The following TNKS variants were observed in gnomAD, a reference collection of about 807,000 sequenced individuals.
TNKS encodes the protein tankyrase, also known as poly [ADP-ribose] polymerase tankyrase-1.
Under a neutral mutation model 135.8 loss-of-function variants are expected in TNKS, and 72 were observed. The observed-to-expected ratio is 0.53, with a 90% CI of 0.44 to 0.64. TNKS has a LOEUF of 0.64. Among genes scored for constraint, TNKS ranks in the 30% least tolerant of loss-of-function variants. TNKS has a pLI of 0.00. For synonymous variants in TNKS, 849 were observed against 649.3 expected, an observed-to-expected ratio of 1.31 and a Z score of -4.68; for missense variants, 1,769 against 1,674.0, an observed-to-expected ratio of 1.06 and a Z score of -0.99.
intron 1 of TNKS, among the ~76,000 whole-genome samples, chr8:9,574,141 A>G (rs892133998): frequency 6.6e-6 from 1 of 152,254 alleles, no homozygotes; most frequent in African/African-American, 2.4e-5. Context: ...CACATAGTAT[A>G]TTTTTAAATT....
chr8:9,595,306 A>T (rs1254932222), intron 2 of TNKS, among the ~76,000 whole-genome samples: 1 of 151,986 alleles, frequency 6.6e-6, no homozygotes, highest in Non-Finnish European at 1.5e-5. Context: ...TCAGTGTAGC[A>T]TTTTCATAAA....
Position 9,556,462 on chromosome 8 carries a change from G to C in TNKS, c.523G>C (p.Gly175Arg). ...GCCTGGGGCAGCAGGACCTGGGACA[G>C]GGGTCCCAGCAGTGAGCGGGGCCCT... ...LGPGAAGPGT[G>R]VPAVSGALRE... Residue 175 changes from glycine (G) to arginine (R), a missense_variant, in exon 1 of 27, where the codon GGG becomes CGG. Physicochemically the swap from Gly to Arg is moderately radical, Grantham distance 125. Around this residue, in one of 5 missense-constraint regions of TNKS, gnomAD observed 450 missense variants for 304.9 expected, o/e 1.48. Transcript: ENST00000310430. 2 of 1,614,152 alleles carry C rather than the reference G, an allele frequency of 1.2e-6. No homozygotes were observed. Among genetic ancestry groups the C allele is most frequent in the South Asian group, 1.1e-5 (1 of 91,086 alleles).
chr8:9,622,415 G>A (rs912620916), intron 3 of TNKS, among the ~76,000 whole-genome samples: 37 of 152,128 alleles, frequency 2.4e-4, no homozygotes, highest in African/African-American at 8.7e-4. Flanking sequence ...TTTCAAGGGC[G>A]CTGAATCCTC....
intron 5 of TNKS, among the ~76,000 whole-genome samples, chr8:9,699,827 C>G (rs973626678): frequency 1.4e-4 from 22 of 152,182 alleles, no homozygotes; most frequent in Admixed American, 1.4e-3. Context: ...CTTTCCAAGA[C>G]TCTAATCTTA....
At chr8:9,767,958 CAA>C (rs1030767438) in intron 25 of TNKS, among the ~76,000 whole-genome samples, 16 of 68,048 alleles carry the variant, frequency 2.4e-4, no homozygotes, top group African/African-American at 3.2e-4. Context: ...GACTCCGTCT[CAA>C]AAAAAAAAAA....
Position 9,765,730 on chromosome 8 carries a change from C to G in TNKS, c.3486C>G (p.Phe1162Leu). ...TCAACAAGAAGTTGAGGGAGCGGTTCTGCCACCGACAGAAGGAAGTGTCTG... is the reference window on the plus strand; with the variant it reads ...TCAACAAGAAGTTGAGGGAGCGGTTGTGCCACCGACAGAAGGAAGTGTCTG... Reference protein sequence around the residue: ...KVVNKKLRERFCHRQKEVSEE... With the variant: ...KVVNKKLRERLCHRQKEVSEE... Residue 1162 changes from phenylalanine (F) to leucine (L), a missense_variant, in exon 24 of 27, where the codon TTC (phenylalanine) becomes TTG (leucine). Transcript: ENST00000310430. 1 of 1,613,972 alleles carries G rather than the reference C, an allele frequency of 6.2e-7. No individual in the cohort carries two copies. The highest frequency in any genetic ancestry group is 8.5e-7 in the Non-Finnish European group (1 of 1,179,944).
chr8:9,704,783 C>A, intron 6 of TNKS, 26 bp downstream of exon 6: 3 of 1,582,532 alleles, frequency 1.9e-6, no homozygotes, highest in African/African-American at 2.7e-5. Context: ...TACTTCCTGT[C>A]AGTGCTTTGT....
intron 11 of TNKS, among the ~76,000 whole-genome samples, chr8:9,719,404 A>G (rs1178934274): frequency 6.6e-6 from 1 of 152,198 alleles, no homozygotes; most frequent in Non-Finnish European, 1.5e-5. Context: ...AGGACCCAGA[A>G]AGTCTGTGTG....
At chr8:9,745,890 C>T (rs954416279) in intron 17 of TNKS, among the ~76,000 whole-genome samples, 3 of 152,122 alleles carry the variant, frequency 2.0e-5, no homozygotes, top group Non-Finnish European at 4.4e-5. Context: ...AATACTACCT[C>T]AGAAAAAGTG....
chr8:9,594,578 C>G (rs4610751), intron 2 of TNKS, among the ~76,000 whole-genome samples: 1 of 151,918 alleles, frequency 6.6e-6, no homozygotes, highest in Non-Finnish European at 1.5e-5. Context: ...AAAATGAGAT[C>G]ATTCCACCAT....
At chr8:9,649,623 C>T (rs962222362) in intron 3 of TNKS, among the ~76,000 whole-genome samples, 1 of 151,166 alleles carries the variant, frequency 6.6e-6, no homozygotes, top group Non-Finnish European at 1.5e-5. Context: ...CCCTCATCCC[C>T]CTCTCACCCT....
At chr8:9,676,686 CTGTGTGTGTGTG>C (rs147459978) in intron 3 of TNKS, among the ~76,000 whole-genome samples, 1 of 147,786 alleles carries the variant, frequency 6.8e-6, no homozygotes. Context: ...CTCTCTCTCT[CTGTGTGTGTGTG>C]TGTGTGTGTG....
At chr8:9,561,968 C>G (rs1797349598) in intron 1 of TNKS, among the ~76,000 whole-genome samples, 2 of 152,136 alleles carry the variant, frequency 1.3e-5, no homozygotes, top group South Asian at 2.1e-4. Context: ...AGGCGCCCAC[C>G]ACCACGCCCA....
Position 9,615,691 on chromosome 8 carries a change from G to C in TNKS, c.994+14G>C. On this transcript the variant is annotated intron_variant, in intron 3 of 26. Coordinates refer to ENST00000310430, the MANE Select transcript of TNKS (RefSeq NM_003747.3). ...CTGTCCTTACAGGTAAGAAGACAGA[G>C]AGCTACCGAATGATTATATCTGTGT... 1.3e-6 allele frequency: 2 copies of C among 1,591,852 alleles called. No homozygotes were observed. Among genetic ancestry groups the C allele is most frequent in the Non-Finnish European group, 8.6e-7 (1 of 1,163,906 alleles).
intron 2 of TNKS, among the ~76,000 whole-genome samples, chr8:9,611,191 A>G (rs1208679272): frequency 6.6e-6 from 1 of 152,206 alleles, no homozygotes; most frequent in Non-Finnish European, 1.5e-5. Context: ...TAGAGCTGAG[A>G]CGCATTAGTA....
At chr8:9,724,824 T>C (rs891675727) in intron 12 of TNKS, among the ~76,000 whole-genome samples, 9 of 152,190 alleles carry the variant, frequency 5.9e-5, no homozygotes, top group Non-Finnish European at 1.2e-4. Context: ...TTTTGCTTGA[T>C]TGGAAAATTA....
At chr8:9,717,103 T>TATATATATATATTTATATATTTA (rs1554476739) in intron 11 of TNKS, among the ~76,000 whole-genome samples, 1 of 39,332 alleles carries the variant, frequency 2.5e-5, no homozygotes, top group Non-Finnish European at 5.8e-5. Context: ...ATATATATAT[T>TATATATATATATTTATATATTTA]TTCAGGGAAT....
rs1444406104 is a variant in TNKS at position 9,777,881 on chromosome 8, C to A, written c.*1145C>A. On this transcript the variant is annotated 3_prime_UTR_variant, in exon 27 of 27. Coordinates refer to ENST00000310430, the MANE Select transcript of TNKS (RefSeq NM_003747.3). ...GACTCGAATAGTGGATAGATACACACAAATGCAAGGACTTTTTTGTTTACT... is the reference window on the plus strand; with the variant it reads ...GACTCGAATAGTGGATAGATACACAAAAATGCAAGGACTTTTTTGTTTACT... 1 of 152,528 alleles carries A rather than the reference C, an allele frequency of 6.6e-6. No homozygotes were observed. The highest frequency in any genetic ancestry group is 2.4e-5 in the African/African-American group (1 of 41,430). 9.4% of individuals were successfully genotyped at this position (152,528 alleles called of 1,614,324 possible).
chr8:9,701,233 G>A (rs1030828185), intron 5 of TNKS, among the ~76,000 whole-genome samples: 2 of 152,090 alleles, frequency 1.3e-5, no homozygotes, highest in African/African-American at 4.8e-5. Flanking sequence ...CACCATGCCC[G>A]ACCTGCCCTT....
Sources: gnomAD v4.1 joint callset for allele counts (sites outside exome capture counted in the v4.1 genomes callset) on GRCh38, gnomAD v4.1.1 for gene constraint, gnomAD v4.1.1 regional missense constraint, MANE v1.5 for transcripts, NCBI Gene and HGNC (gene_info 2026-07-23, HGNC 2026-07-21) for gene names.